Variants in RRAGB observed in about 807,000 individuals in gnomAD.
RRAGB encodes the protein ras-related GTP-binding protein B.
Under a neutral mutation model 29.3 loss-of-function variants are expected in RRAGB, and 6 were observed. That is an observed-to-expected ratio of 0.21 (90% CI 0.11 to 0.40). RRAGB has a LOEUF of 0.40. Among genes scored for constraint, RRAGB ranks in the 10% least tolerant of loss-of-function variants. The probability of loss-of-function intolerance (pLI) is 1.00; values close to 1 mark genes in which losing one functional copy is unlikely to be tolerated. For synonymous variants in RRAGB, 101 were observed against 92.5 expected, an observed-to-expected ratio of 1.09 and a Z score of -0.53; for missense variants, 184 against 272.9, an observed-to-expected ratio of 0.67 and a Z score of 2.29.
rs2033175432 is a variant in RRAGB at position 55,719,315 on chromosome X, T to C, written c.94T>C (p.Trp32Arg). The C allele has an allele frequency of 1.3e-5, 16 of 1,190,079 alleles. No homozygotes were observed. Among genetic ancestry groups the C allele is most frequent in the Non-Finnish European group, 1.8e-5 (16 of 884,810 alleles). The part of the protein sequence containing the change: ...PLGEPEGSLG[W>R]VLPNTAMKKK... ...CTGTTTTTTGGTTTATATCTGCAGG[T>C]GGGTGCTACCAAATACAGCCATGAA... Residue 32 changes from tryptophan to arginine, a missense_variant and splice_region_variant, in exon 2 of 10, where the codon TGG becomes CGG. Coordinates refer to ENST00000374941, the MANE Select transcript of RRAGB (RefSeq NM_006064.5).
At chrX:55,731,061 G>C (rs1001838942) in intron 4 of RRAGB, among the ~76,000 whole-genome samples, 1 of 111,187 alleles carries the variant, frequency 9.0e-6, no homozygotes, top group Non-Finnish European at 1.9e-5. Context: ...GAAAAAGTCA[G>C]TGTGTTTAGA....
At chrX:55,720,537 C>A in intron 2 of RRAGB, among the ~76,000 whole-genome samples, 1 of 111,342 alleles carries the variant, frequency 9.0e-6, no homozygotes, top group African/African-American at 3.3e-5. Flanking sequence ...CATAGGTTCC[C>A]TTCATTTGAA....
intron 2 of RRAGB, among the ~76,000 whole-genome samples, chrX:55,719,938 A>G (rs974493491): frequency 2.7e-5 from 3 of 112,358 alleles, no homozygotes; most frequent in African/African-American, 9.7e-5. Flanking sequence ...CATTTGTAAA[A>G]TGGTAGTAAT....
chrX:55,744,387 C>CGAAAAAAAAAAAA (rs2034177980), intron 5 of RRAGB, among the ~76,000 whole-genome samples: 1 of 35,757 alleles, frequency 2.8e-5, no homozygotes, highest in Non-Finnish European at 5.0e-5. Flanking sequence ...CAGAGTGAGC[C>CGAAAAAAAAAAAA]AAAAAAAAAA....
chrX:55,725,569 T>C (rs1311673649), intron 3 of RRAGB, among the ~76,000 whole-genome samples: 2 of 111,969 alleles, frequency 1.8e-5, no homozygotes, highest in Non-Finnish European at 3.8e-5. Flanking sequence ...TAGTTTCTCA[T>C]TGCTGAAAAT....
chrX:55,749,575 G>A (rs1453755687), intron 5 of RRAGB, among the ~76,000 whole-genome samples: 1 of 111,293 alleles, frequency 9.0e-6, no homozygotes, highest in Non-Finnish European at 1.9e-5. Context: ...TGACAATGGC[G>A]GTTTTGTGGA....
intron 8 of RRAGB, 106 bp from the exon 9 acceptor site, chrX:55,757,110 A>C: frequency 5.7e-6 from 2 of 348,935 alleles, no homozygotes; most frequent in East Asian, 7.9e-5. Context: ...TGGTGAATTG[A>C]GGTATAGTGC....
intron 3 of RRAGB, among the ~76,000 whole-genome samples, chrX:55,722,580 G>A (rs760763227): frequency 1.9e-4 from 21 of 111,809 alleles, no homozygotes; most frequent in Middle Eastern, 4.2e-3. Flanking sequence ...GTCTTGTGGG[G>A]AGAGTGTTTT....
intron 2 of RRAGB, among the ~76,000 whole-genome samples, chrX:55,720,470 A>G (rs1180538606): frequency 8.9e-6 from 1 of 111,828 alleles, no homozygotes; most frequent in African/African-American, 3.3e-5. Flanking sequence ...TTTCATCAAT[A>G]CTTCTTATAT....
intron 5 of RRAGB, among the ~76,000 whole-genome samples, chrX:55,737,440 C>T (rs182129029): frequency 8.9e-6 from 1 of 112,602 alleles, no homozygotes; most frequent in East Asian, 2.8e-4. Flanking sequence ...GAAGCCCCAG[C>T]TGTATCTGCA....
intron 5 of RRAGB, among the ~76,000 whole-genome samples, chrX:55,748,167 A>C (rs1182633775): frequency 8.9e-6 from 1 of 112,513 alleles, no homozygotes; most frequent in Non-Finnish European, 1.9e-5. Context: ...CGTTCACTCA[A>C]TGCTCAATGG....
chrX:55,738,636 T>A (rs1569244395), intron 5 of RRAGB, among the ~76,000 whole-genome samples: 1 of 112,263 alleles, frequency 8.9e-6, no homozygotes, highest in Non-Finnish European at 1.9e-5. Context: ...TTTCTCCTTC[T>A]CAAGTGGTGT....
intron 6 of RRAGB, 63 bp downstream of exon 6, chrX:55,751,259 A>T: frequency 1.7e-6 from 1 of 594,743 alleles, no homozygotes; most frequent in Non-Finnish European, 2.6e-6. Flanking sequence ...GAAGGATATT[A>T]ACAAACCTAA....
At position 55,758,312 on chromosome X, in the gene RRAGB, A is replaced by T. The variant is rs781442207; in HGVS notation, c.1010A>T (p.Asp337Val). 4.2e-6 allele frequency: 5 copies of T among 1,202,478 alleles called. No homozygotes were observed. The South Asian group carries it at 7.2e-5, about 17-fold the overall frequency. Residue 337 changes from aspartate (D) to valine (V), a missense_variant, in exon 10 of 10, where the codon GAT (aspartate) becomes GTT (valine). Asp to Val is a radical substitution (Grantham distance 152, BLOSUM62 -3). Transcript: ENST00000374941. The stretch of plus-strand genomic sequence containing the variant: ...CACTTTGAAAAGCTGGAAAGAGTGG[A>T]TGGACCAAAGCAGTGTCTTCTCATG... ...RKHFEKLERV[D>V]GPKQCLLMR is the part of the protein sequence containing the mutation.
intron 5 of RRAGB, among the ~76,000 whole-genome samples, chrX:55,732,454 T>C (rs1343990945): frequency 8.9e-6 from 1 of 112,073 alleles, no homozygotes; most frequent in Non-Finnish European, 1.9e-5. Context: ...GAATACAGTT[T>C]CTCTTTGAGT....
chrX:55,731,272 T>C (rs951620212), intron 4 of RRAGB, 92 bp from the exon 5 acceptor site: 7 of 636,965 alleles, frequency 1.1e-5, no homozygotes, highest in African/African-American at 6.8e-5. Context: ...CTTAAGATTA[T>C]CTTTCACATT....
intron 5 of RRAGB, among the ~76,000 whole-genome samples, chrX:55,732,325 G>T (rs2033712765): frequency 8.9e-6 from 1 of 111,956 alleles, no homozygotes; most frequent in Admixed American, 9.5e-5. Flanking sequence ...TGTCTAGTTT[G>T]CTCAGTATAA....
At chrX:55,730,449 T>A (rs1326348375) in intron 4 of RRAGB, among the ~76,000 whole-genome samples, 1 of 112,030 alleles carries the variant, frequency 8.9e-6, no homozygotes, top group African/African-American at 3.2e-5. Context: ...AGGGAGATTA[T>A]CATTCTGCTG....
At chrX:55,732,109 G>A (rs2033703155) in intron 5 of RRAGB, among the ~76,000 whole-genome samples, 1 of 112,241 alleles carries the variant, frequency 8.9e-6, no homozygotes, top group Non-Finnish European at 1.9e-5. Flanking sequence ...GCACAGTAGC[G>A]GTGATGTCAC....
Sources: allele counts gnomAD v4.1 joint callset (sites outside exome capture counted in the v4.1 genomes callset), GRCh38; gene constraint gnomAD v4.1.1; transcripts MANE v1.5; gene names NCBI Gene and HGNC (gene_info 2026-07-23, HGNC 2026-07-21).